TSEN2: variants seen among roughly 807,000 people sequenced by gnomAD.
TSEN2 encodes tRNA splicing endonuclease subunit 2.
Under a neutral mutation model 59.2 loss-of-function variants are expected in TSEN2, and 54 were observed. The observed-to-expected ratio is 0.91, with a 90% confidence interval of 0.73 to 1.14. The LOEUF is 1.14. TSEN2 is among the 50% of genes most tolerant of loss of function. TSEN2 has a pLI of 0.00. For missense variants in TSEN2, 636 were observed against 576.2 expected (o/e 1.10, Z -1.06); for synonymous variants, 195 against 198.2 (o/e 0.98, Z 0.14).
intron 1 of TSEN2, among the ~76,000 whole-genome samples, chr3:12,486,970 C>A (rs745601910): frequency 1.3e-5 from 2 of 152,192 alleles, no homozygotes; most frequent in African/African-American, 4.8e-5. Context: ...CACTTTGATG[C>A]TATTATGAAT....
chr3:12,521,807 C>G (rs868328198), intron 8 of TSEN2, among the ~76,000 whole-genome samples: 1 of 152,082 alleles, frequency 6.6e-6, no homozygotes, highest in Non-Finnish European at 1.5e-5. Context: ...GTCAGGAGAT[C>G]GAGACCATCC....
At chr3:12,507,564 G>A (rs1041151474) in intron 6 of TSEN2, among the ~76,000 whole-genome samples, 10 of 152,214 alleles carry the variant, frequency 6.6e-5, no homozygotes, top group Admixed American at 6.5e-4. Context: ...CTAATTAGCA[G>A]CTTGTTGGAA....
chr3:12,483,032 AATGCTGCGACATG>A (rs2052243271), upstream of TSEN2, among the ~76,000 whole-genome samples: 1 of 152,220 alleles, frequency 6.6e-6, no homozygotes. Context: ...GGACCCACTG[AATGCTGCGACATG>A]ATCTCACTCT....
downstream of TSEN2, among the ~76,000 whole-genome samples, chr3:12,535,778 T>C (rs2633444): frequency 0.99 from 151,057 of 152,270 alleles, 74,931 homozygotes; most frequent in Middle Eastern, 1. Flanking sequence ...ATAATCTGCC[T>C]GCCTCGGCCT....
intron 1 of TSEN2, among the ~76,000 whole-genome samples, chr3:12,485,616 T>C (rs1259563519): frequency 6.6e-6 from 1 of 152,202 alleles, no homozygotes; most frequent in East Asian, 1.9e-4. Flanking sequence ...CTGATGTAAT[T>C]GATTGCAGGT....
chr3:12,484,425 G>C (rs2052373608), upstream of TSEN2: 1 of 152,266 alleles, frequency 6.6e-6, no homozygotes, highest in Non-Finnish European at 1.5e-5. Flanking sequence ...CTGCGCACTC[G>C]GCTGGCTTTG....
intron 7 of TSEN2, among the ~76,000 whole-genome samples, chr3:12,518,660 T>G (rs1171817033): frequency 2.0e-5 from 3 of 152,160 alleles, no homozygotes; most frequent in Admixed American, 6.5e-5. Flanking sequence ...CACAGTTTAT[T>G]TAACCCAACT....
chr3:12,515,591 G>A (rs2055984727), intron 6 of TSEN2, among the ~76,000 whole-genome samples: 2 of 152,170 alleles, frequency 1.3e-5, no homozygotes, highest in South Asian at 2.1e-4. Context: ...AAGCGCCCTG[G>A]ACAGGCAAAG....
upstream of TSEN2, among the ~76,000 whole-genome samples, chr3:12,480,535 T>TG (rs1236284329): frequency 9.2e-5 from 13 of 141,162 alleles, no homozygotes; most frequent in African/African-American, 2.9e-4. Context: ...TTTGTTTTTT[T>TG]TTTTTTTTTT....
At chr3:12,506,593 AAAGTGGCT>A in intron 6 of TSEN2, 10 of 686,708 alleles carry the variant, frequency 1.5e-5, no homozygotes, top group African/African-American at 1.9e-5. Context: ...AAAAAAAAAA[AAAGTGGCT>A]AAAAGTGGCC....
Position 12,532,834 on chromosome 3 carries a change from T to C in TSEN2, c.*113T>C. On this transcript the variant is annotated 3_prime_UTR_variant, in exon 12 of 12. Transcript: ENST00000284995. ...TCATAAGTTTTAAAGGGCATGGTGC[T>C]CCCAGCACCAGAAAACTATCAGTGT... The C allele has an allele frequency of 3.1e-6, 3 of 971,130 alleles. No homozygotes were observed. The highest frequency in any genetic ancestry group is 4.9e-6 in the Non-Finnish European group (3 of 616,588). The allele number at this position is 971,130 out of a possible 1,614,324, so 60.2% of individuals were successfully genotyped here. A position where few individuals can be genotyped will look rare whatever the true frequency, so the allele number is the denominator to read the frequency against.
intron 3 of TSEN2, among the ~76,000 whole-genome samples, chr3:12,492,756 A>G (rs147453334): frequency 8.5e-5 from 13 of 152,368 alleles, no homozygotes; most frequent in African/African-American, 3.1e-4. Flanking sequence ...CACTGAGATA[A>G]CATGTCAACA....
At chr3:12,502,328 T>C (rs953157225) in intron 4 of TSEN2, among the ~76,000 whole-genome samples, 2 of 151,524 alleles carry the variant, frequency 1.3e-5, no homozygotes, top group African/African-American at 4.9e-5. Context: ...GTCGGATCTC[T>C]TGAGGTCAGG....
chr3:12,538,561 G>C (rs549925254), downstream of TSEN2, among the ~76,000 whole-genome samples: 1 of 152,118 alleles, frequency 6.6e-6, no homozygotes, highest in African/African-American at 2.4e-5. Flanking sequence ...AACACGAGGC[G>C]GTTATTGGTA....
chr3:12,525,082 G>A (rs376337140), intron 8 of TSEN2, among the ~76,000 whole-genome samples: 87 of 152,098 alleles, frequency 5.7e-4, no homozygotes, highest in African/African-American at 1.6e-3. Context: ...TTCTTGTTTC[G>A]TTTGTCATGA....
downstream of TSEN2, among the ~76,000 whole-genome samples, chr3:12,536,198 G>A (rs1041885173): frequency 6.6e-6 from 1 of 152,192 alleles, no homozygotes; most frequent in Non-Finnish European, 1.5e-5. Flanking sequence ...GGGAGGAGAG[G>A]CAATACTGTA....
intron 8 of TSEN2, among the ~76,000 whole-genome samples, chr3:12,523,473 CTG>C (rs1223444121): frequency 6.9e-6 from 1 of 145,738 alleles, no homozygotes; most frequent in African/African-American, 2.5e-5. Context: ...GAGCAGCTCT[CTG>C]TTTGTCACAG....
intron 8 of TSEN2, among the ~76,000 whole-genome samples, chr3:12,527,047 TG>T (rs1165020976): frequency 1.3e-5 from 2 of 152,216 alleles, no homozygotes; most frequent in Admixed American, 6.5e-5. Context: ...AGGCAAAGAT[TG>T]GGCAGGGAAC....
At chr3:12,512,630 T>TACA (rs1317194156) in intron 6 of TSEN2, among the ~76,000 whole-genome samples, 2 of 152,248 alleles carry the variant, frequency 1.3e-5, no homozygotes, top group Non-Finnish European at 2.9e-5. Context: ...ATTAGTAGAA[T>TACA]ACACTTTTTT....
Sources: allele counts gnomAD v4.1 joint callset (sites outside exome capture counted in the v4.1 genomes callset), GRCh38; gene constraint gnomAD v4.1.1; transcripts MANE v1.5; gene names NCBI Gene and HGNC (gene_info 2026-07-23, HGNC 2026-07-21).